The following NME8 variants were observed in gnomAD, a reference collection of about 807,000 sequenced individuals.
NME8 encodes NME/NM23 family member 8.
A neutral mutation model predicts 82.3 loss-of-function variants in NME8; 72 were observed. That is an observed-to-expected ratio of 0.87 (90% CI 0.72 to 1.06). The LOEUF (loss-of-function observed/expected upper bound fraction) is 1.06. NME8 is among the 50% of genes least tolerant of loss of function. The pLI is 0.00. For synonymous variants in NME8, 267 were observed against 228.5 expected, an observed-to-expected ratio of 1.17 and a Z score of -1.52; for missense variants, 712 against 685.4, an observed-to-expected ratio of 1.04 and a Z score of -0.43.
chr7:37,870,127 C>T (rs1378466761), intron 11 of NME8, among the ~76,000 whole-genome samples: 1 of 152,034 alleles, frequency 6.6e-6, no homozygotes, highest in African/African-American at 2.4e-5. Flanking sequence ...ACCTGTTTTG[C>T]CAGATGGTCT....
At chr7:37,889,420 T>C (rs1194195281) in intron 15 of NME8, among the ~76,000 whole-genome samples, 1 of 151,726 alleles carries the variant, frequency 6.6e-6, no homozygotes, top group Admixed American at 6.6e-5. Flanking sequence ...TTCTTCTAGC[T>C]TTTTGAGTTG....
chr7:37,861,909 G>A, intron 6 of NME8, 119 bp from the exon 7 acceptor site: 1 of 780,996 alleles, frequency 1.3e-6, no homozygotes, highest in Admixed American at 1.7e-5. Context: ...ATAGCTAAAA[G>A]AGGATTCATG....
At chr7:37,854,856 G>T (rs1038631133) in intron 5 of NME8, among the ~76,000 whole-genome samples, 1 of 151,944 alleles carries the variant, frequency 6.6e-6, no homozygotes, top group East Asian at 1.9e-4. Flanking sequence ...TCCTTAATTG[G>T]CTCTGTCATA....
chr7:37,895,190 A>G (rs62444777), intron 16 of NME8, among the ~76,000 whole-genome samples: 10,672 of 152,270 alleles, frequency 0.07, 501 homozygotes, highest in Non-Finnish European at 0.099. Flanking sequence ...CAAACTATGT[A>G]TACATAATAA....
At chr7:37,893,938 A>G (rs951516735) in intron 15 of NME8, among the ~76,000 whole-genome samples, 14 of 152,266 alleles carry the variant, frequency 9.2e-5, no homozygotes, top group African/African-American at 3.4e-4. Flanking sequence ...GATCTGGAGC[A>G]AAGAAGAGGC....
Position 37,885,013 on chromosome 7 carries a change from C to T in NME8, c.1140-132C>T. 7.4e-6 allele frequency: 5 copies of T among 675,234 alleles called. No homozygotes were observed. The South Asian group carries it at 8.7e-5, about 12-fold the overall frequency. 41.8% of individuals were successfully genotyped at this position (675,234 alleles called of 1,614,324 possible). On this transcript the variant is annotated intron_variant, in intron 13 of 17. Transcript: ENST00000199447. ...CATATCAACGGAAAAAAATCACAGA[C>T]CTCTGTTAAAAGATTATTTTACATG...
At chr7:37,880,777 A>G (rs1172340214) in intron 12 of NME8, among the ~76,000 whole-genome samples, 2 of 148,452 alleles carry the variant, frequency 1.3e-5, no homozygotes, top group African/African-American at 4.9e-5. Context: ...AATATGGAAT[A>G]TCTCTCCATT....
chr7:37,884,497 A>C (rs1785011768), intron 13 of NME8, 50 bp downstream of exon 13: 1 of 1,531,996 alleles, frequency 6.5e-7, no homozygotes, highest in Admixed American at 1.7e-5. Context: ...TGAATCATGT[A>C]AACTTTCTCT....
intron 12 of NME8, among the ~76,000 whole-genome samples, chr7:37,878,692 G>GTA (rs1784895741): frequency 6.6e-6 from 1 of 152,018 alleles, no homozygotes; most frequent in African/African-American, 2.4e-5. Flanking sequence ...AGACTTTACA[G>GTA]AACAGTTTTA....
chr7:37,875,499 A>G (rs566913337), intron 11 of NME8, among the ~76,000 whole-genome samples: 63 of 152,190 alleles, frequency 4.1e-4, no homozygotes, highest in African/African-American at 1.2e-3. Context: ...GACAGTGTTA[A>G]CAGTTGGTGA....
chr7:37,856,727 G>A (rs1314381120), intron 5 of NME8, among the ~76,000 whole-genome samples: 1 of 152,122 alleles, frequency 6.6e-6, no homozygotes, highest in East Asian at 1.9e-4. Flanking sequence ...ATTTATTCAA[G>A]GAATGTTTAG....
intron 12 of NME8, among the ~76,000 whole-genome samples, chr7:37,879,839 T>C (rs1443766955): frequency 2.0e-5 from 3 of 152,346 alleles, no homozygotes; most frequent in Admixed American, 2.0e-4. Flanking sequence ...TTCCTGTTGC[T>C]CTACAACCTT....
chr7:37,881,419 TG>T (rs1387608648), intron 12 of NME8, among the ~76,000 whole-genome samples: 1 of 152,224 alleles, frequency 6.6e-6, no homozygotes, highest in Non-Finnish European at 1.5e-5. Flanking sequence ...CATAATCATA[TG>T]ACTTTTCTTC....
intron 15 of NME8, among the ~76,000 whole-genome samples, chr7:37,893,737 A>G (rs1448686301): frequency 8.5e-5 from 13 of 152,174 alleles, no homozygotes; most frequent in Non-Finnish European, 1.9e-4. Flanking sequence ...TGATATCTTT[A>G]TAGGCCTTGC....
At chr7:37,892,870 T>C (rs1172896263) in intron 15 of NME8, among the ~76,000 whole-genome samples, 1 of 152,118 alleles carries the variant, frequency 6.6e-6, no homozygotes, top group African/African-American at 2.4e-5. Flanking sequence ...GGGGTATTTG[T>C]CATCCTTCTG....
In NME8 at chr7:37,850,414, T is replaced by C; in HGVS notation, c.70T>C (p.Leu24=). The part of the protein sequence containing the change: ...INNQSLWDEM[L]QNKGLTVIDV... The stretch of plus-strand genomic sequence containing the variant: ...TAATCAAAGCCTGTGGGATGAGATG[T>C]TGCAGAACAAAGGCTTAACAGGTAT... Residue 24 remains leucine, a synonymous_variant, in exon 4 of 18, where the codon TTG becomes CTG. Coordinates refer to ENST00000199447, the MANE Select transcript of NME8 (RefSeq NM_016616.5). 2 of 1,614,172 alleles carry C rather than the reference T, an allele frequency of 1.2e-6. No individual in the cohort carries two copies. Among genetic ancestry groups the C allele is most frequent in the South Asian group, 2.2e-5 (2 of 91,090 alleles).
At chr7:37,877,418 C>T (rs988459118) in intron 12 of NME8, among the ~76,000 whole-genome samples, 2 of 152,158 alleles carry the variant, frequency 1.3e-5, no homozygotes, top group Non-Finnish European at 2.9e-5. Flanking sequence ...GTACCTGGCA[C>T]ATAAAGAGTT....
chr7:37,881,961 A>G (rs1489900232), intron 12 of NME8, among the ~76,000 whole-genome samples: 2 of 152,254 alleles, frequency 1.3e-5, no homozygotes, highest in Non-Finnish European at 2.9e-5. Context: ...GTTGTATTGC[A>G]GAGAAAAAGT....
chr7:37,854,883 G>A (rs188991386), intron 5 of NME8, among the ~76,000 whole-genome samples: 19 of 152,270 alleles, frequency 1.2e-4, no homozygotes, highest in Admixed American at 2.6e-4. Context: ...ATGAAGTCAT[G>A]CACAACATCT....
Sources: allele counts gnomAD v4.1 joint callset (sites outside exome capture counted in the v4.1 genomes callset), GRCh38; gene constraint gnomAD v4.1.1; transcripts MANE v1.5; gene names NCBI Gene and HGNC (gene_info 2026-07-23, HGNC 2026-07-21).